The following MED12L variants were observed in gnomAD, a reference collection of about 807,000 sequenced individuals.
MED12L encodes mediator of RNA polymerase II transcription subunit 12-like protein.
MED12L carries 60 observed loss-of-function variants against 281.3 expected under a neutral mutation model. The observed-to-expected ratio is 0.21, with a 90% CI of 0.17 to 0.26. The LOEUF (loss-of-function observed/expected upper bound fraction) is 0.26. Among genes scored for constraint, MED12L ranks in the 10% least tolerant of loss-of-function variants. The pLI is 1.00. For synonymous variants in MED12L, 974 were observed against 987.2 expected (o/e 0.99, Z 0.25); for missense variants, 2,146 against 2,680.9 (o/e 0.80, Z 4.41).
At chr3:151,345,771 C>A (rs557421892) in intron 16 of MED12L, among the ~76,000 whole-genome samples, 90 of 152,224 alleles carry the variant, frequency 5.9e-4, no homozygotes, top group African/African-American at 2.1e-3. Context: ...TCCACCTCAG[C>A]CTCCCAAAGT....
chr3:151,425,585 T>TGA, intron 43 of MED12L: 1 of 452,616 alleles, frequency 2.2e-6, no homozygotes, highest in Non-Finnish European at 4.4e-6. Context: ...TGTGTGTGTG[T>TGA]CTGTGTTTAA....
At chr3:151,379,731 A>G (rs1313214666) in intron 31 of MED12L, among the ~76,000 whole-genome samples, 1 of 152,248 alleles carries the variant, frequency 6.6e-6, no homozygotes, top group Non-Finnish European at 1.5e-5. Context: ...CAAGAGTTTT[A>G]TATGAGAACT....
intron 41 of MED12L, 118 bp downstream of exon 41, chr3:151,411,625 A>C: frequency 1.1e-6 from 1 of 893,014 alleles, no homozygotes; most frequent in Non-Finnish European, 1.7e-6. Context: ...ATTTGCAGAT[A>C]ATTTGCATTC....
At chr3:151,120,154 A>G (rs1348207454) in intron 3 of MED12L, among the ~76,000 whole-genome samples, 1 of 151,704 alleles carries the variant, frequency 6.6e-6, no homozygotes, top group Non-Finnish European at 1.5e-5. Flanking sequence ...TGATCCCAGG[A>G]GGCAGAGGTT....
intron 16 of MED12L, among the ~76,000 whole-genome samples, chr3:151,301,697 C>G (rs1322253345): frequency 6.6e-6 from 1 of 152,170 alleles, no homozygotes; most frequent in Non-Finnish European, 1.5e-5. Flanking sequence ...AACCACAGTG[C>G]TATACCATCT....
At chr3:151,416,792 C>G (rs970235309) in intron 43 of MED12L, among the ~76,000 whole-genome samples, 2 of 152,184 alleles carry the variant, frequency 1.3e-5, no homozygotes, top group South Asian at 2.1e-4. Flanking sequence ...ATCTCAAAAA[C>G]CATGGGCGCA....
chr3:151,345,556 C>G (rs992435955), intron 16 of MED12L, among the ~76,000 whole-genome samples: 4 of 123,816 alleles, frequency 3.2e-5, no homozygotes, highest in Non-Finnish European at 6.6e-5. Context: ...TTGCTCTTGT[C>G]ACCCAGGCTG....
intron 16 of MED12L, among the ~76,000 whole-genome samples, chr3:151,304,633 G>A (rs1024201338): frequency 2.0e-5 from 3 of 151,660 alleles, no homozygotes; most frequent in Non-Finnish European, 2.9e-5. Flanking sequence ...CTCTAGCCAA[G>A]TATGGTGGCA....
At chr3:151,407,475 GGGACCT>G (rs1716461848) in intron 39 of MED12L, among the ~76,000 whole-genome samples, 1 of 152,180 alleles carries the variant, frequency 6.6e-6, no homozygotes, top group Non-Finnish European at 1.5e-5. Context: ...GTATGTCTCA[GGGACCT>G]TGTATGATGC....
Position 151,260,213 on chromosome 3 carries a change from G to A in MED12L, c.2250+66547G>A, listed in dbSNP as rs1262913099. On this transcript the variant is annotated intron_variant, in intron 16 of 44. Coordinates refer to ENST00000687756, the MANE Select transcript of MED12L (RefSeq NM_001393769.1). The stretch of plus-strand genomic sequence containing the variant: ...TAAAAATAAAGAAAAGAGCCGCAAC[G>A]TCACCTTATCTAGCCTAATTAAATT... 1.3e-5 allele frequency among the ~76,000 whole-genome samples: 2 copies of A among 152,262 alleles called. 1 individual carries two copies. Among genetic ancestry groups the A allele is most frequent in the South Asian group, 4.1e-4 (2 of 4,826 alleles).
intron 2 of MED12L, among the ~76,000 whole-genome samples, chr3:151,111,683 C>T (rs1050977132): frequency 6.6e-6 from 1 of 152,164 alleles, no homozygotes; most frequent in Non-Finnish European, 1.5e-5. Context: ...TGTTGCAGCA[C>T]GAGCAAGATT....
chr3:151,098,302 G>A (rs1332832716), intron 2 of MED12L, among the ~76,000 whole-genome samples: 1 of 152,236 alleles, frequency 6.6e-6, no homozygotes, highest in Non-Finnish European at 1.5e-5. Flanking sequence ...TGCCTAGCTA[G>A]GTGGTCCCTG....
chr3:151,418,299 A>G (rs1304844505), intron 43 of MED12L, among the ~76,000 whole-genome samples: 1 of 152,166 alleles, frequency 6.6e-6, no homozygotes, highest in Non-Finnish European at 1.5e-5. Context: ...GAAATTGAAC[A>G]TTACTACAAT....
chr3:151,243,106 T>C (rs1249421301), intron 16 of MED12L, among the ~76,000 whole-genome samples: 3 of 151,228 alleles, frequency 2.0e-5, no homozygotes, highest in African/African-American at 7.3e-5. Flanking sequence ...CCAAGAAATA[T>C]GGGGCTGTGT....
chr3:151,115,193 CT>C (rs1712534630), intron 2 of MED12L, among the ~76,000 whole-genome samples: 1 of 152,088 alleles, frequency 6.6e-6, no homozygotes, highest in African/African-American at 2.4e-5. Context: ...GCCTAGGAAC[CT>C]TTTGTTTCTG....
At chr3:151,269,781 C>T (rs941344057) in intron 16 of MED12L, 12 of 416,224 alleles carry the variant, frequency 2.9e-5, no homozygotes, top group African/African-American at 2.1e-4. Flanking sequence ...TTTTAGAGTC[C>T]ACTGAAGTCA....
At chr3:151,247,592 T>A (rs1735869547) in intron 16 of MED12L, among the ~76,000 whole-genome samples, 1 of 116,282 alleles carries the variant, frequency 8.6e-6, no homozygotes, top group Non-Finnish European at 1.8e-5. Flanking sequence ...AAGGGGAATA[T>A]CACACTCCGG....
At chr3:151,366,034 A>G (rs771103184) in intron 23 of MED12L, 43 bp downstream of exon 23, 1 of 1,432,364 alleles carries the variant, frequency 7.0e-7, no homozygotes, top group South Asian at 1.7e-5. Context: ...GTGCAATTAA[A>G]TATTTAGTTA....
chr3:151,330,794 T>C (rs376192487), intron 16 of MED12L, among the ~76,000 whole-genome samples: 2 of 152,176 alleles, frequency 1.3e-5, no homozygotes, highest in East Asian at 3.8e-4. Context: ...CTGAAATAAA[T>C]TAATCCTTGG....
Sources: gnomAD v4.1 joint callset for allele counts (sites outside exome capture counted in the v4.1 genomes callset) on GRCh38, gnomAD v4.1.1 for gene constraint, MANE v1.5 for transcripts, NCBI Gene and HGNC (gene_info 2026-07-23, HGNC 2026-07-21) for gene names.